STEAP4: variants seen among roughly 807,000 people sequenced by gnomAD.
The protein encoded by STEAP4 is STEAP4 metalloreductase.
In STEAP4, 36 loss-of-function variants were observed where a neutral mutation model predicts 43.6. That is an observed-to-expected ratio of 0.83 (90% confidence interval 0.63 to 1.09). The LOEUF (loss-of-function observed/expected upper bound fraction) is 1.09, where lower values mean the gene tolerates loss of function less well. Ranked by LOEUF, STEAP4 falls within the 50% of genes least tolerant of loss-of-function variation. The pLI, the probability that STEAP4 is intolerant of heterozygous loss-of-function variation, is 0.00. For missense variants in STEAP4, 495 were observed against 546.5 expected (o/e 0.91, Z 0.94); for synonymous variants, 191 against 196.7 (o/e 0.97, Z 0.24).
At chr7:88,300,443 C>T (rs1347747526) in intron 1 of STEAP4, among the ~76,000 whole-genome samples, 2 of 152,048 alleles carry the variant, frequency 1.3e-5, no homozygotes, top group African/African-American at 2.4e-5. Context: ...AAACTCCTGG[C>T]CTCAAGTAAT....
intron 1 of STEAP4, among the ~76,000 whole-genome samples, chr7:88,304,723 G>C (rs1639375519): frequency 6.6e-6 from 1 of 151,860 alleles, no homozygotes; most frequent in Admixed American, 6.6e-5. Flanking sequence ...TGATTTTTAA[G>C]TAGCATTTGA....
rs1852476257 is a variant in STEAP4 at position 88,274,011 on chromosome 7, T to TA, written c.*5386dup. 6.6e-6 allele frequency: 1 copy of TA among 152,228 alleles called. No individual in the cohort carries two copies. Among genetic ancestry groups the TA allele is most frequent in the Non-Finnish European group, 1.5e-5 (1 of 68,042 alleles). The allele number at this position is 152,228 out of a possible 1,614,324, so 9.4% of individuals were successfully genotyped here. The stretch of plus-strand genomic sequence containing the variant: ...AAGAGTTGCAGTGGTTTCGTTCACT[T>TA]AGTCTATTTTGTGGATTCAAAGGGA... On this transcript the variant is annotated 3_prime_UTR_variant, in exon 5 of 5. Coordinates refer to ENST00000380079, the MANE Select transcript of STEAP4 (RefSeq NM_024636.4).
At position 88,277,259 on chromosome 7, in the gene STEAP4, T is replaced by C. The variant is rs781732685; in HGVS notation, c.*2139A>G. The C allele has an allele frequency of 6.6e-6, 1 of 152,210 alleles. No individual in the cohort carries two copies. Among genetic ancestry groups the C allele is most frequent in the Non-Finnish European group, 1.5e-5 (1 of 68,032 alleles). The allele number at this position is 152,210 out of a possible 1,614,324, so 9.4% of individuals were successfully genotyped here. A position where few individuals can be genotyped will look rare whatever the true frequency, so the allele number is the denominator to read the frequency against. On this transcript the variant is annotated 3_prime_UTR_variant, in exon 5 of 5. Transcript: ENST00000380079. ...CTCTACTCAATGTCGTCCAACTTTT[T>C]GTATCCTTGCTTGGGTTTATCAAAG...
At position 88,283,140 on chromosome 7, in the gene STEAP4, G is replaced by C. The variant is rs1852659280; in HGVS notation, c.485C>G (p.Ala162Gly). The stretch of plus-strand genomic sequence containing the variant: ...AACAATATCCATCACTCTTTGCTTG[G>C]CTTTGCTGTCATTTCCACACACAAA... ...QVFVCGNDSK[A>G]KQRVMDIVRN... Residue 162 changes from alanine (A) to glycine (G), a missense_variant, in exon 3 of 5, where the codon GCC (alanine) becomes GGC (glycine). Physicochemically the swap from Ala to Gly is moderately conservative, Grantham distance 60 (BLOSUM62 0). Transcript: ENST00000380079. The C allele has an allele frequency of 6.4e-7, 1 of 1,559,760 alleles. No individual in the cohort carries two copies.
intron 1 of STEAP4, among the ~76,000 whole-genome samples, chr7:88,299,615 T>A (rs1852995569): frequency 6.6e-6 from 1 of 152,194 alleles, no homozygotes; most frequent in Non-Finnish European, 1.5e-5. Context: ...TCCCCTAATA[T>A]TTAGTGTTCA....
In STEAP4 at chr7:88,274,513, CAT is replaced by C. The variant is rs1362484429; in HGVS notation, c.*4883_*4884del. 1 of 152,112 alleles carries C rather than the reference CAT, an allele frequency of 6.6e-6. No homozygotes were observed. The highest frequency in any genetic ancestry group is 1.5e-5 in the Non-Finnish European group (1 of 68,038). The allele number at this position is 152,112 out of a possible 1,614,324, so 9.4% of individuals were successfully genotyped here. On this transcript the variant is annotated 3_prime_UTR_variant, in exon 5 of 5. Transcript: ENST00000380079. ...GCCTCGAGCTTGAGGAGAGGTAATGCATATGTTACCAGAAAGGGGGTCCAATA... is the reference window on the plus strand; with the variant it reads ...GCCTCGAGCTTGAGGAGAGGTAATGCATGTTACCAGAAAGGGGGTCCAATA...
intron 3 of STEAP4, 46 bp from the exon 4 acceptor site, chr7:88,281,125 A>G (rs1387069220): frequency 2.1e-6 from 3 of 1,443,264 alleles, no homozygotes; most frequent in Admixed American, 5.1e-5. Flanking sequence ...TTTACAAACT[A>G]CATTTTACAA....
intron 3 of STEAP4, chr7:88,282,429 G>A (rs1372450665): frequency 5.2e-6 from 3 of 578,112 alleles, no homozygotes; most frequent in East Asian, 2.9e-5. Context: ...TTATGGGAGT[G>A]AGCCACCGCC....
intron 4 of STEAP4, 140 bp from the exon 5 acceptor site, chr7:88,279,768 A>C: frequency 4.5e-6 from 3 of 659,452 alleles, no homozygotes; most frequent in African/African-American, 1.8e-5. Context: ...CAAGTACTGA[A>C]AAAAAGCACT....
chr7:88,299,270 G>T (rs1852987191), intron 1 of STEAP4, among the ~76,000 whole-genome samples: 1 of 152,168 alleles, frequency 6.6e-6, no homozygotes, highest in Non-Finnish European at 1.5e-5. Context: ...GATAAATTAA[G>T]ATTGTTTTAT....
chr7:88,279,737 A>C, intron 4 of STEAP4, 109 bp from the exon 5 acceptor site: 1 of 913,048 alleles, frequency 1.1e-6, no homozygotes, highest in Non-Finnish European at 1.6e-6. Context: ...TTTGAGACCT[A>C]TAATGTTTAG....
intron 1 of STEAP4, among the ~76,000 whole-genome samples, chr7:88,300,045 T>A (rs995433073): frequency 6.6e-6 from 1 of 152,218 alleles, no homozygotes; most frequent in African/African-American, 2.4e-5. Flanking sequence ...CTGCTGGCTA[T>A]AATCTGGCCT....
At chr7:88,283,709 T>C (rs1467574051) in intron 2 of STEAP4, 105 bp downstream of exon 2, 12 of 1,225,210 alleles carry the variant, frequency 9.8e-6, no homozygotes, top group South Asian at 8.9e-5. Flanking sequence ...AAATGTAATA[T>C]TTAGTGGGCA....
At chr7:88,283,251 T>C in intron 2 of STEAP4, 83 bp from the exon 3 acceptor site, 1 of 1,347,038 alleles carries the variant, frequency 7.4e-7, no homozygotes. Flanking sequence ...AACAGCACCA[T>C]GCCAAATGAT....
Position 88,280,956 on chromosome 7 carries a change from C to A in STEAP4, c.1108G>T (p.Val370Phe). ...TCTCTCCAGTTGACTGCATTGCTAACAGATGGCAAAGAAGTGATTCCCAAG... is the reference window on the plus strand; with the variant it reads ...TCTCTCCAGTTGACTGCATTGCTAAAAGATGGCAAAGAAGTGATTCCCAAG... ...VLLGITSLPS[V>F]SNAVNWREFR... Residue 370 changes from valine (V) to phenylalanine (F), a missense_variant, in exon 4 of 5, where the codon GTT (valine) becomes TTT (phenylalanine). Coordinates refer to ENST00000380079, the MANE Select transcript of STEAP4 (RefSeq NM_024636.4). 1 of 1,612,150 alleles carries A rather than the reference C, an allele frequency of 6.2e-7. No individual in the cohort carries two copies. The highest frequency in any genetic ancestry group is 8.5e-7 in the Non-Finnish European group (1 of 1,179,272).
At chr7:88,301,466 A>G (rs1853032309) in intron 1 of STEAP4, among the ~76,000 whole-genome samples, 1 of 152,038 alleles carries the variant, frequency 6.6e-6, no homozygotes, top group South Asian at 2.1e-4. Flanking sequence ...TTTTGTAGAG[A>G]TGGGGTCTTA....
chr7:88,302,908 C>T (rs925331967), intron 1 of STEAP4, among the ~76,000 whole-genome samples: 3 of 136,788 alleles, frequency 2.2e-5, no homozygotes, highest in Admixed American at 7.7e-5. Context: ...GAGCTGACAT[C>T]GCGCTACTGT....
chr7:88,283,879 C>T lies in STEAP4; in HGVS notation c.391G>A (p.Val131Ile), dbSNP rs1385089105. Residue 131 changes from valine to isoleucine, a missense_variant, in exon 2 of 5, where the codon GTA (valine) becomes ATA (isoleucine). By Grantham distance (29) the Val-to-Ile change is conservative. Transcript: ENST00000380079. ...LAHLVPGAHV[V>I]KAFNTISAWA... The stretch of plus-strand genomic sequence containing the variant: ...GCTGAGATGGTGTTAAATGCTTTTA[C>T]CACGTGGGCTCCTGGCACCAAATGA... 3.1e-6 allele frequency: 5 copies of T among 1,614,140 alleles called. No individual in the cohort carries two copies. The highest frequency in any genetic ancestry group is 2.2e-5 in the South Asian group (2 of 91,080).
At position 88,279,588 on chromosome 7, in the gene STEAP4, T is replaced by C; in HGVS notation, c.1190A>G (p.His397Arg). ...TCTCTTCCCACCGTACACCAGGGTGTGGGCTGTACACAAGATCAGGGTCAA... is the reference window on the plus strand; with the variant it reads ...TCTCTTCCCACCGTACACCAGGGTGCGGGCTGTACACAAGATCAGGGTCAA... ...GYLTLILCTAHTLVYGGKRFL... is the reference protein window; with the variant it reads ...GYLTLILCTARTLVYGGKRFL... The change falls in exon 5 of 5, where the codon CAC (histidine) becomes CGC (arginine). Residue 397 changes from histidine to arginine, a missense_variant. Coordinates refer to ENST00000380079, the MANE Select transcript of STEAP4 (RefSeq NM_024636.4). 1.2e-6 allele frequency: 2 copies of C among 1,613,954 alleles called. No individual in the cohort carries two copies. Among genetic ancestry groups the C allele is most frequent in the Non-Finnish European group, 1.7e-6 (2 of 1,179,946 alleles).
Sources: allele counts gnomAD v4.1 joint callset (sites outside exome capture counted in the v4.1 genomes callset), GRCh38; gene constraint gnomAD v4.1.1; transcripts MANE v1.5; gene names NCBI Gene and HGNC (gene_info 2026-07-23, HGNC 2026-07-21).